SEH1L: variants seen among roughly 807,000 people sequenced by gnomAD.
SEH1L encodes SEH1 like nucleoporin.
Under a neutral mutation model 49.5 loss-of-function variants are expected in SEH1L, and 18 were observed. That is an observed-to-expected ratio of 0.36 (90% CI 0.25 to 0.54). The LOEUF (loss-of-function observed/expected upper bound fraction) is 0.54. SEH1L is among the 20% of genes least tolerant of loss of function. SEH1L has a pLI of 0.87. For synonymous variants in SEH1L, 169 were observed against 178.1 expected (o/e 0.95, Z 0.41); for missense variants, 404 against 528.8 (o/e 0.76, Z 2.31).
intron 8 of SEH1L, chr18:12,985,621 GA>G: frequency 9.9e-7 from 1 of 1,011,072 alleles, no homozygotes; most frequent in Non-Finnish European, 1.2e-6. Flanking sequence ...AGTTCATTTG[GA>G]AAATATAGAC....
intron 1 of SEH1L, 189 bp downstream of exon 1, chr18:12,948,421 G>C (rs896154917): frequency 1.3e-5 from 6 of 475,636 alleles, no homozygotes; most frequent in African/African-American, 1.0e-4. Flanking sequence ...GCGGCCTCGC[G>C]GGCCGCCCTC....
At chr18:12,962,282 C>A (rs999216404) in intron 3 of SEH1L, among the ~76,000 whole-genome samples, 1 of 151,396 alleles carries the variant, frequency 6.6e-6, no homozygotes, top group Non-Finnish European at 1.5e-5. Flanking sequence ...GCCTGTCATC[C>A]CAGCTACTGG....
chr18:12,963,141 G>A lies in SEH1L; in HGVS notation c.310-19G>A, dbSNP rs952940415. On this transcript the variant is annotated intron_variant, in intron 3 of 8. Transcript: ENST00000399892. ...TTTCTTTTTGTATATAATTTAAATT[G>A]TTATTATTTTTTTTTTAGGTTAAAA... 2 of 1,543,640 alleles carry A rather than the reference G, an allele frequency of 1.3e-6. No homozygotes were observed. Among genetic ancestry groups the A allele is most frequent in the East Asian group, 2.3e-5 (1 of 43,948 alleles).
intron 2 of SEH1L, among the ~76,000 whole-genome samples, chr18:12,952,320 C>G (rs776120003): frequency 4.7e-4 from 71 of 151,504 alleles, no homozygotes; most frequent in Non-Finnish European, 9.3e-4. Context: ...GCAACCTCCG[C>G]CTGTTGGGTT....
chr18:12,965,596 A>C (rs1184594991), intron 4 of SEH1L, among the ~76,000 whole-genome samples: 2 of 152,238 alleles, frequency 1.3e-5, no homozygotes, highest in African/African-American at 4.8e-5. Flanking sequence ...TAAGAATTTC[A>C]AAAGATACAG....
intron 5 of SEH1L, chr18:12,976,510 A>ACAGCCTGGATT (rs2145652317): frequency 6.6e-6 from 1 of 152,376 alleles, no homozygotes; most frequent in East Asian, 1.9e-4. Context: ...GAAGGTCGTT[A>ACAGCCTGGATT]CAGCCTGGAT....
At chr18:12,954,310 C>T (rs1159805638) in intron 2 of SEH1L, among the ~76,000 whole-genome samples, 2 of 152,192 alleles carry the variant, frequency 1.3e-5, no homozygotes, top group South Asian at 2.1e-4. Flanking sequence ...CCAGCCACCT[C>T]CCCTCCCACC....
intron 1 of SEH1L, among the ~76,000 whole-genome samples, chr18:12,950,197 C>A (rs761514619): frequency 6.6e-6 from 1 of 151,824 alleles, no homozygotes; most frequent in Non-Finnish European, 1.5e-5. Flanking sequence ...CCACGCCTGG[C>A]CAATTAAAAC....
In SEH1L at chr18:12,965,035, G is replaced by T. The variant is rs112042439; in HGVS notation, c.521+1664G>T. Among the ~76,000 whole-genome samples, 353 of 109,304 alleles carry T rather than the reference G, an allele frequency of 3.2e-3. 7 individuals carry two copies. The East Asian group carries it at 0.039, about 12-fold the overall frequency. 71.7% of individuals were successfully genotyped at this position (109,304 alleles called of 152,430 possible). ...TTTTTTTTTTTTTTTTTTTTTTGAG[G>T]TGGAGTCTCGCTCTGTCACCCAGGC... On this transcript the variant is annotated intron_variant, in intron 4 of 8. Coordinates refer to ENST00000399892, the MANE Select transcript of SEH1L (RefSeq NM_001013437.2).
intron 5 of SEH1L, chr18:12,974,086 G>A (rs552997243): frequency 6.6e-6 from 1 of 152,292 alleles, no homozygotes; most frequent in South Asian, 2.1e-4. Flanking sequence ...TGGTGTTGGG[G>A]AAAGAGTGTC....
Position 12,987,075 on chromosome 18 carries a change from G to A in SEH1L, c.*18G>A. The A allele has an allele frequency of 1.3e-6, 2 of 1,526,792 alleles. No individual in the cohort carries two copies. The highest frequency in any genetic ancestry group is 2.3e-5 in the South Asian group (2 of 85,554). 94.6% of individuals were successfully genotyped at this position (1,526,792 alleles called of 1,614,324 possible). On this transcript the variant is annotated 3_prime_UTR_variant, in exon 9 of 9. Coordinates refer to ENST00000399892, the MANE Select transcript of SEH1L (RefSeq NM_001013437.2). ...GGATTTAAAACACTGATTTAACATT[G>A]AAAGGCCTTATTCAAGTGCTTGTAA...
In SEH1L at chr18:12,986,901, G is replaced by T. The variant is rs760850658; in HGVS notation, c.1110G>T (p.Ser370=). The change falls in exon 9 of 9, where the codon TCG becomes TCT. Residue 370 remains serine (S), a synonymous_variant. Transcript: ENST00000399892. ...CTCTGGATTCCCCACGGGCTGGATC[G>T]AGATGGTCCAGTTATGCCCAGCTCC... is the stretch of plus-strand genomic sequence containing the variant. ...FTPLDSPRAG[S]RWSSYAQLLP... 6.2e-7 allele frequency: 1 copy of T among 1,610,382 alleles called. No homozygotes were observed. Among genetic ancestry groups the T allele is most frequent in the South Asian group, 1.1e-5 (1 of 90,854 alleles).
intron 4 of SEH1L, among the ~76,000 whole-genome samples, chr18:12,965,769 A>AGCCAATGGAAATGAGTTTTAATG (rs548196686): frequency 2.0e-4 from 31 of 152,346 alleles, no homozygotes; most frequent in African/African-American, 7.2e-4. Flanking sequence ...GGATTTTGAT[A>AGCCAATGGAAATGAGTTTTAATG]GCCAATGGAA....
At chr18:12,968,844 A>AT (rs1230600461) in intron 4 of SEH1L, among the ~76,000 whole-genome samples, 1 of 152,140 alleles carries the variant, frequency 6.6e-6, no homozygotes, top group Non-Finnish European at 1.5e-5. Context: ...TTAAATGTGA[A>AT]TATCTTAGTT....
chr18:12,980,170 A>G (rs796376250), intron 6 of SEH1L, among the ~76,000 whole-genome samples: 8,534 of 61,970 alleles, frequency 0.14, 598 homozygotes, highest in East Asian at 0.24. Context: ...GGGCAGAGGC[A>G]CCCCTCACCT....
At chr18:12,982,025 A>G (rs747371596) in intron 6 of SEH1L, among the ~76,000 whole-genome samples, 1 of 151,624 alleles carries the variant, frequency 6.6e-6, no homozygotes, top group African/African-American at 2.4e-5. Context: ...ATGCCTGGCT[A>G]ATTTTTTATT....
chr18:12,980,677 G>A (rs2032189671), intron 6 of SEH1L, among the ~76,000 whole-genome samples: 1 of 132,016 alleles, frequency 7.6e-6, no homozygotes, highest in Non-Finnish European at 1.6e-5. Context: ...AGACAGGGTG[G>A]CTGGCAGGGC....
chr18:12,976,809 C>T (rs2031942654), intron 5 of SEH1L: 2 of 150,784 alleles, frequency 1.3e-5, no homozygotes, highest in South Asian at 4.2e-4. Flanking sequence ...CTAAAAAATA[C>T]AAAAAAAACA....
At chr18:12,956,743 C>T (rs2030885509) in intron 3 of SEH1L, among the ~76,000 whole-genome samples, 1 of 149,868 alleles carries the variant, frequency 6.7e-6, no homozygotes, top group African/African-American at 2.5e-5. Flanking sequence ...TTGACTACTT[C>T]CAGTGCTGAT....
Sources: gnomAD v4.1 joint callset for allele counts (sites outside exome capture counted in the v4.1 genomes callset) on GRCh38, gnomAD v4.1.1 for gene constraint, MANE v1.5 for transcripts, NCBI Gene and HGNC (gene_info 2026-07-23, HGNC 2026-07-21) for gene names.